Variants in RANBP17 observed in about 807,000 individuals in gnomAD.
RANBP17 encodes ran-binding protein 17.
RANBP17 carries 158 observed loss-of-function variants against 141.2 expected under a neutral mutation model. The observed-to-expected ratio is 1.12, with a 90% CI of 0.98 to 1.28. The LOEUF (loss-of-function observed/expected upper bound fraction) is 1.28. Ranked by LOEUF, RANBP17 falls within the 50% of genes most tolerant of loss-of-function variation. RANBP17 has a pLI of 0.00. For synonymous variants in RANBP17, 430 were observed against 450.0 expected, an observed-to-expected ratio of 0.96 and a Z score of 0.56; for missense variants, 1,438 against 1,290.7, an observed-to-expected ratio of 1.11 and a Z score of -1.75.
chr5:170,928,981 G>A (rs1773136360), intron 12 of RANBP17, among the ~76,000 whole-genome samples: 1 of 151,892 alleles, frequency 6.6e-6, no homozygotes, highest in African/African-American at 2.4e-5. Context: ...TGTTTTCAGT[G>A]TACAGTTAGT....
At chr5:171,187,622 C>T (rs1761352869) in intron 18 of RANBP17, among the ~76,000 whole-genome samples, 1 of 151,916 alleles carries the variant, frequency 6.6e-6, no homozygotes, top group Admixed American at 6.5e-5. Flanking sequence ...TTTTCTATTT[C>T]TGATCATTTG....
chr5:171,019,713 C>T (rs1197506619), intron 14 of RANBP17, among the ~76,000 whole-genome samples: 1 of 151,370 alleles, frequency 6.6e-6, no homozygotes, highest in African/African-American at 2.4e-5. Flanking sequence ...TAAACCAGGT[C>T]CTGGATTCAT....
chr5:171,294,455 C>T (rs1343200906), intron 26 of RANBP17, among the ~76,000 whole-genome samples: 1 of 152,184 alleles, frequency 6.6e-6, no homozygotes, highest in African/African-American at 2.4e-5. Flanking sequence ...ACCACCTGGG[C>T]TACCTCCCAA....
chr5:171,271,075 C>CCTTTTTTTTTTTT lies in RANBP17; in HGVS notation c.2943+5228_2943+5229insCTTTTTTTTTTTT, dbSNP rs1767076411. 2.4e-3 allele frequency: 66 copies of CCTTTTTTTTTTTT among 27,562 alleles called. 6 individuals are homozygous for CCTTTTTTTTTTTT. The highest frequency in any genetic ancestry group is 4.3e-3 in the Admixed American group (5 of 1,166). The allele number at this position is 27,562 out of a possible 1,614,324, so 1.7% of individuals were successfully genotyped here. ...TTTCTCCCTCCTTTTTATGTTATTT[C>CCTTTTTTTTTTTT]TTTTTTTTTTTTTTTTTTTTTTTTT... On this transcript the variant is annotated intron_variant, in intron 25 of 27. Transcript: ENST00000523189.
chr5:170,897,335 G>T, intron 5 of RANBP17: 3 of 559,296 alleles, frequency 5.4e-6, no homozygotes, highest in South Asian at 1.6e-5. Context: ...ATCTGGGCTT[G>T]GCACATTTCT....
intron 20 of RANBP17, chr5:171,206,005 G>T: frequency 2.9e-6 from 1 of 345,406 alleles, no homozygotes; most frequent in Non-Finnish European, 5.7e-6. Flanking sequence ...ATCTCTTCAA[G>T]GCCTAACCCA....
chr5:171,234,413 A>T (rs1159994507), intron 22 of RANBP17, among the ~76,000 whole-genome samples: 1 of 152,226 alleles, frequency 6.6e-6, no homozygotes. Context: ...CCTCTAGAAC[A>T]TATTGAGCAC....
chr5:171,021,724 T>A lies in RANBP17; in HGVS notation c.1710+53347T>A, dbSNP rs150973088. Reference sequence around the variant, plus strand: ...TGCATTGAGTTGGAACATGCTCTTTTAGCTCAGCATAGTTTTCTGTTACCC... The same window carrying A: ...TGCATTGAGTTGGAACATGCTCTTTAAGCTCAGCATAGTTTTCTGTTACCC... On this transcript the variant is annotated intron_variant, in intron 14 of 27. Coordinates refer to ENST00000523189, the MANE Select transcript of RANBP17 (RefSeq NM_022897.5). Among the ~76,000 whole-genome samples the A allele has an allele frequency of 3.9e-5, 6 of 152,328 alleles. No homozygotes were observed. The East Asian group carries it at 9.6e-4, about 24-fold the overall frequency.
chr5:170,991,945 A>G (rs1778538061), intron 14 of RANBP17, among the ~76,000 whole-genome samples: 1 of 152,012 alleles, frequency 6.6e-6, no homozygotes, highest in South Asian at 2.1e-4. Flanking sequence ...TTTATCACAG[A>G]TTGATTTTTG....
rs754466787 is a variant in RANBP17, at chr5:170,918,734, TATC to T, written c.979_981del (p.His327del). The T allele has an allele frequency of 6.8e-6, 11 of 1,606,276 alleles. No individual in the cohort carries two copies. Among genetic ancestry groups the T allele is most frequent in the Non-Finnish European group, 9.4e-6 (11 of 1,176,254 alleles). ...TTAGGGTTTGTCTGATCCAGGTAAT[TATC>T]ATGAATTTTGTCGATTTTTGGCTCG... On this transcript the variant is annotated inframe_deletion, in exon 10 of 28. Coordinates refer to ENST00000523189, the MANE Select transcript of RANBP17 (RefSeq NM_022897.5).
intron 24 of RANBP17, among the ~76,000 whole-genome samples, chr5:171,258,627 G>A (rs1164494393): frequency 2.6e-5 from 4 of 152,070 alleles, no homozygotes; most frequent in African/African-American, 9.7e-5. Context: ...AATACACAAT[G>A]GGGAAAGGAC....
At chr5:171,121,630 G>A (rs1164817974) in intron 14 of RANBP17, among the ~76,000 whole-genome samples, 1 of 152,180 alleles carries the variant, frequency 6.6e-6, no homozygotes, top group East Asian at 1.9e-4. Context: ...GGGTGAGACT[G>A]CCAGACTGTT....
intron 14 of RANBP17, among the ~76,000 whole-genome samples, chr5:171,022,537 G>C (rs1780941041): frequency 6.6e-6 from 1 of 152,210 alleles, no homozygotes; most frequent in Non-Finnish European, 1.5e-5. Context: ...GAGGAAGGAT[G>C]GGTCAGAGTC....
intron 14 of RANBP17, among the ~76,000 whole-genome samples, chr5:171,015,347 A>T (rs1222457284): frequency 6.6e-6 from 1 of 152,008 alleles, no homozygotes; most frequent in Non-Finnish European, 1.5e-5. Context: ...TTCTGTATGT[A>T]CTTTACTTTG....
intron 9 of RANBP17, among the ~76,000 whole-genome samples, chr5:170,917,878 A>G (rs1772105331): frequency 6.6e-6 from 1 of 152,168 alleles, no homozygotes; most frequent in African/African-American, 2.4e-5. Context: ...ACATGTTTTA[A>G]AGATGTATGA....
In RANBP17 at chr5:171,144,574, A is replaced by T. The variant is rs573467598; in HGVS notation, c.1711-25556A>T. Among the ~76,000 whole-genome samples, 18 of 152,208 alleles carry T rather than the reference A, an allele frequency of 1.2e-4. 1 individual carries two copies. The East Asian group carries it at 3.5e-3, about 29-fold the overall frequency. On this transcript the variant is annotated intron_variant, in intron 14 of 27. Coordinates refer to ENST00000523189, the MANE Select transcript of RANBP17 (RefSeq NM_022897.5). ...CTCTTTCACTTATTGATGGCTGCGA[A>T]TGGTGCCCCCATTGCCTTCCCCAAT...
intron 14 of RANBP17, among the ~76,000 whole-genome samples, chr5:171,089,404 G>T (rs949112811): frequency 1.8e-4 from 28 of 151,832 alleles, no homozygotes; most frequent in Admixed American, 5.2e-4. Flanking sequence ...GGTTACTGCT[G>T]TCTTTTTGTT....
chr5:171,081,673 T>C (rs756452430), intron 14 of RANBP17, among the ~76,000 whole-genome samples: 1 of 152,142 alleles, frequency 6.6e-6, no homozygotes, highest in African/African-American at 2.4e-5. Context: ...ATAATAAATA[T>C]CATGGAACAT....
At chr5:171,293,522 G>A (rs1321312676) in intron 25 of RANBP17, among the ~76,000 whole-genome samples, 1 of 152,210 alleles carries the variant, frequency 6.6e-6, no homozygotes, top group Non-Finnish European at 1.5e-5. Context: ...TGAAATAGGA[G>A]GCAGACAGGA....
Sources: gnomAD v4.1 joint callset for allele counts (sites outside exome capture counted in the v4.1 genomes callset) on GRCh38, gnomAD v4.1.1 for gene constraint, MANE v1.5 for transcripts, NCBI Gene and HGNC (gene_info 2026-07-23, HGNC 2026-07-21) for gene names.